SLC9A7: variants seen among roughly 807,000 people sequenced by gnomAD.
The protein encoded by SLC9A7 is solute carrier family 9 member A7.
A neutral mutation model predicts 52.6 loss-of-function variants in SLC9A7; 19 were observed. The ratio of observed to expected loss-of-function variants is 0.36; its 90% confidence interval spans 0.25 to 0.53. SLC9A7 has a LOEUF of 0.53. Among genes scored for constraint, SLC9A7 ranks in the 20% least tolerant of loss-of-function variants. The probability of loss-of-function intolerance (pLI) is 0.91; values close to 1 mark genes in which losing one functional copy is unlikely to be tolerated. For missense variants in SLC9A7, 455 were observed against 597.9 expected (o/e 0.76, Z 2.49); for synonymous variants, 226 against 252.1 (o/e 0.90, Z 0.98).
intron 16 of SLC9A7, among the ~76,000 whole-genome samples, chrX:46,611,330 G>C (rs911033641): frequency 8.9e-6 from 1 of 112,285 alleles, no homozygotes; most frequent in Admixed American, 9.5e-5. Flanking sequence ...AAAACTTACC[G>C]CAAGCATTAG....
intron 1 of SLC9A7, among the ~76,000 whole-genome samples, chrX:46,718,529 G>A (rs1209344612): frequency 1.8e-5 from 2 of 111,921 alleles, no homozygotes; most frequent in Non-Finnish European, 3.8e-5. Context: ...AATGGGAGAA[G>A]ATTTTTACAA....
At chrX:46,624,538 A>G (rs1377231708) in intron 14 of SLC9A7, among the ~76,000 whole-genome samples, 1 of 112,416 alleles carries the variant, frequency 8.9e-6, no homozygotes, top group Non-Finnish European at 1.9e-5. Context: ...ATGGTGTCTG[A>G]TATGTGGCAA....
chrX:46,699,945 G>A (rs941495872), intron 1 of SLC9A7, among the ~76,000 whole-genome samples: 3 of 110,172 alleles, frequency 2.7e-5, no homozygotes, highest in Non-Finnish European at 5.7e-5. Context: ...GTGAGACCTC[G>A]TATCTACAAA....
chrX:46,613,506 T>G (rs1253962258), intron 15 of SLC9A7, 112 bp from the exon 16 acceptor site: 4 of 469,554 alleles, frequency 8.5e-6, no homozygotes, highest in Non-Finnish European at 1.4e-5. Context: ...TTCCCCATTT[T>G]ACTCGTACAA....
intron 12 of SLC9A7, among the ~76,000 whole-genome samples, chrX:46,638,031 C>A (rs1308061072): frequency 3.6e-5 from 4 of 111,910 alleles, no homozygotes; most frequent in African/African-American, 1.3e-4. Context: ...CTTAACAGCT[C>A]ATCAGGGCCT....
At position 46,692,691 on chromosome X, in the gene SLC9A7, G is replaced by A. The variant is rs754698811; in HGVS notation, c.326-10156C>T. ...GTTTAGGGGGTGTTTGAGGTATTTTGATTTAAAGAAGTTCCATATCTGATT... is the reference window on the plus strand; with the variant it reads ...GTTTAGGGGGTGTTTGAGGTATTTTAATTTAAAGAAGTTCCATATCTGATT... On this transcript the variant is annotated intron_variant, in intron 1 of 16. Transcript: ENST00000616978. 9.2e-4 allele frequency among the ~76,000 whole-genome samples: 102 copies of A among 111,444 alleles called. 2 individuals carry two copies. The highest frequency in any genetic ancestry group is 2.9e-4 in the Admixed American group (3 of 10,432).
intron 3 of SLC9A7, among the ~76,000 whole-genome samples, chrX:46,673,353 T>C (rs981141333): frequency 1.2e-5 from 1 of 80,567 alleles, no homozygotes; most frequent in African/African-American, 4.7e-5. Flanking sequence ...CTTAAAAATA[T>C]AAACACACAC....
intron 1 of SLC9A7, among the ~76,000 whole-genome samples, chrX:46,743,622 A>T (rs899114198): frequency 6.3e-5 from 7 of 111,498 alleles, no homozygotes; most frequent in Non-Finnish European, 7.5e-5. Context: ...TCTCCTGCTG[A>T]TCTTGCTGTG....
At position 46,599,895 on chromosome X, in the gene SLC9A7, C is replaced by T. The variant is rs1019483157; in HGVS notation, c.*7057G>A. The T allele has an allele frequency of 2.7e-5, 3 of 112,220 alleles. No homozygotes were observed. Among genetic ancestry groups the T allele is most frequent in the African/African-American group, 9.7e-5 (3 of 30,911 alleles). The allele number at this position is 112,220 out of a possible 1,213,427, so 9.2% of individuals were successfully genotyped here. ...AGGTCACATCATTCCATGTTAAATTCGTCCTATTCTATTTTAAAAGTTGCT... is the reference window on the plus strand; with the variant it reads ...AGGTCACATCATTCCATGTTAAATTTGTCCTATTCTATTTTAAAAGTTGCT... On this transcript the variant is annotated 3_prime_UTR_variant, in exon 17 of 17. Transcript: ENST00000616978.
At chrX:46,756,602 A>T (rs1451182833) in intron 1 of SLC9A7, among the ~76,000 whole-genome samples, 1 of 112,202 alleles carries the variant, frequency 8.9e-6, no homozygotes, top group Non-Finnish European at 1.9e-5. Flanking sequence ...TACCTGAGAG[A>T]AAGAAGAAAT....
At chrX:46,714,088 G>C (rs1245486646) in intron 1 of SLC9A7, among the ~76,000 whole-genome samples, 1 of 110,896 alleles carries the variant, frequency 9.0e-6, no homozygotes, top group Non-Finnish European at 1.9e-5. Flanking sequence ...AAATCAGTCA[G>C]TGTAGTCTAA....
chrX:46,655,652 C>T lies in SLC9A7; in HGVS notation c.1042-1938G>A, dbSNP rs193084954. Among the ~76,000 whole-genome samples the T allele has an allele frequency of 4.3e-3, 485 of 112,086 alleles. 1 individual carries two copies. Among genetic ancestry groups the T allele is most frequent in the Non-Finnish European group, 7.6e-3 (403 of 53,028 alleles). ...TCGGGTCACTCCCACCCGAATACTGCGCTTTTCCGATGGGCTTAAAAAACA... is the reference window on the plus strand; with the variant it reads ...TCGGGTCACTCCCACCCGAATACTGTGCTTTTCCGATGGGCTTAAAAAACA... On this transcript the variant is annotated intron_variant, in intron 7 of 16. Transcript: ENST00000616978.
intron 1 of SLC9A7, among the ~76,000 whole-genome samples, chrX:46,690,100 T>C (rs186666398): frequency 1.8e-5 from 2 of 112,249 alleles, no homozygotes; most frequent in East Asian, 5.6e-4. Flanking sequence ...TAAGGACACA[T>C]GCACACGTAT....
intron 1 of SLC9A7, among the ~76,000 whole-genome samples, chrX:46,731,574 C>T (rs958634488): frequency 9.2e-6 from 1 of 108,412 alleles, no homozygotes; most frequent in African/African-American, 3.3e-5. Flanking sequence ...TGCAGTCCAG[C>T]CTGGATGACA....
intron 1 of SLC9A7, among the ~76,000 whole-genome samples, chrX:46,723,638 T>C (rs1226734518): frequency 1.8e-5 from 2 of 111,449 alleles, no homozygotes; most frequent in East Asian, 2.8e-4. Flanking sequence ...AACCATAGCA[T>C]AGGACTTCCT....
chrX:46,631,539 G>A (rs376087589), intron 14 of SLC9A7, 47 bp downstream of exon 14: 25 of 1,075,604 alleles, frequency 2.3e-5, no homozygotes, highest in South Asian at 1.5e-4. Flanking sequence ...GGCATGTGGC[G>A]AATGCTCAAA....
intron 1 of SLC9A7, among the ~76,000 whole-genome samples, chrX:46,704,758 T>C (rs961884088): frequency 9.0e-6 from 1 of 111,488 alleles, no homozygotes; most frequent in Non-Finnish European, 1.9e-5. Context: ...GGACCCTGTA[T>C]TTCAGGAGGG....
chrX:46,654,155 C>T (rs1424963130), intron 7 of SLC9A7, among the ~76,000 whole-genome samples: 4 of 110,993 alleles, frequency 3.6e-5, no homozygotes, highest in African/African-American at 6.6e-5. Flanking sequence ...CTTTGGGACC[C>T]GAGGCAGGTG....
chrX:46,653,100 A>G (rs1943609757), intron 8 of SLC9A7, among the ~76,000 whole-genome samples: 1 of 112,481 alleles, frequency 8.9e-6, no homozygotes, highest in South Asian at 3.7e-4. Flanking sequence ...TATCATTAAA[A>G]TCTACTTTTT....
Sources: allele counts gnomAD v4.1 joint callset (sites outside exome capture counted in the v4.1 genomes callset), GRCh38; gene constraint gnomAD v4.1.1; transcripts MANE v1.5; gene names NCBI Gene and HGNC (gene_info 2026-07-23, HGNC 2026-07-21).